The following GABRA2 variants were observed in gnomAD, a reference collection of about 807,000 sequenced individuals.
GABRA2 encodes gamma-aminobutyric acid receptor subunit alpha-2.
Under a neutral mutation model 48.7 loss-of-function variants are expected in GABRA2, and 16 were observed. The ratio of observed to expected loss-of-function variants is 0.33; its 90% confidence interval spans 0.22 to 0.50. The LOEUF is 0.50. Ranked by LOEUF, GABRA2 falls within the 20% of genes least tolerant of loss-of-function variation. The pLI is 0.98. For missense variants in GABRA2, 275 were observed against 535.6 expected (o/e 0.51, Z 4.80); for synonymous variants, 185 against 184.5 (o/e 1.00, Z -0.02).
chr4:46,293,425 G>T (rs895614003), intron 8 of GABRA2, among the ~76,000 whole-genome samples: 2 of 152,140 alleles, frequency 1.3e-5, no homozygotes, highest in East Asian at 3.9e-4. Flanking sequence ...ACATTTCAGG[G>T]ACTACTGGAC....
chr4:46,270,691 T>C (rs1719149519), intron 8 of GABRA2, among the ~76,000 whole-genome samples: 2 of 152,016 alleles, frequency 1.3e-5, no homozygotes, highest in African/African-American at 4.8e-5. Flanking sequence ...ATACCTAACT[T>C]ACAGCACTTT....
intron 8 of GABRA2, among the ~76,000 whole-genome samples, chr4:46,296,756 G>T (rs1724797286): frequency 3.3e-5 from 5 of 151,410 alleles, no homozygotes; most frequent in Admixed American, 2.6e-4. Flanking sequence ...TACCAACTAT[G>T]ACCACTTGGC....
chr4:46,258,086 G>A (rs969767902), intron 9 of GABRA2, among the ~76,000 whole-genome samples: 5 of 151,686 alleles, frequency 3.3e-5, no homozygotes, highest in African/African-American at 9.7e-5. Flanking sequence ...ATATTACCTC[G>A]TAAGTTAAAA....
chr4:46,377,987 G>C (rs1275787609), intron 3 of GABRA2, among the ~76,000 whole-genome samples: 20 of 150,784 alleles, frequency 1.3e-4, no homozygotes, highest in African/African-American at 4.6e-4. Context: ...AGGGAGGTGG[G>C]GGGGTCAGCC....
intron 3 of GABRA2, 63 bp from the exon 4 acceptor site, chr4:46,332,745 G>C (rs1170377710): frequency 1.0e-6 from 1 of 975,908 alleles, no homozygotes; most frequent in East Asian, 2.5e-5. Context: ...AGAGAGAAGG[G>C]TTTGAGTACA....
In GABRA2 at chr4:46,246,313, T is replaced by C. The variant is rs1713705440; in HGVS notation, c.*3995A>G. ...TTTAATATAAATTTTAACAGCAAAATATTATGGATATTAAATAATTATGTT... is the reference window on the plus strand; with the variant it reads ...TTTAATATAAATTTTAACAGCAAAACATTATGGATATTAAATAATTATGTT... On this transcript the variant is annotated 3_prime_UTR_variant, in exon 10 of 10. Transcript: ENST00000381620. Among the ~76,000 whole-genome samples the C allele has an allele frequency of 6.6e-6, 1 of 150,952 alleles. No homozygotes were observed. The highest frequency in any genetic ancestry group is 1.5e-5 in the Non-Finnish European group (1 of 67,426).
At chr4:46,283,721 C>T (rs927343724) in intron 8 of GABRA2, among the ~76,000 whole-genome samples, 5 of 152,136 alleles carry the variant, frequency 3.3e-5, no homozygotes, top group African/African-American at 1.2e-4. Context: ...AATCTACAGC[C>T]TAACAGATGT....
chr4:46,373,203 T>G (rs1240797697), intron 3 of GABRA2, among the ~76,000 whole-genome samples: 1 of 152,222 alleles, frequency 6.6e-6, no homozygotes, highest in Non-Finnish European at 1.5e-5. Context: ...AACATCTTCA[T>G]CCTGAGTCAG....
chr4:46,262,940 A>G (rs946397886), intron 8 of GABRA2, among the ~76,000 whole-genome samples: 1,137 of 85,698 alleles, frequency 0.013, 21 homozygotes, highest in African/African-American at 0.059. Context: ...AGAAAGAAGA[A>G]AGAAAGAAAG....
intron 3 of GABRA2, among the ~76,000 whole-genome samples, chr4:46,375,091 T>C (rs1715490787): frequency 6.6e-6 from 1 of 152,096 alleles, no homozygotes; most frequent in Non-Finnish European, 1.5e-5. Context: ...TAAAAAGGTA[T>C]AATAAAAACA....
intron 3 of GABRA2, among the ~76,000 whole-genome samples, chr4:46,370,502 A>G (rs1443252318): frequency 6.6e-6 from 1 of 152,154 alleles, no homozygotes; most frequent in East Asian, 1.9e-4. Context: ...AGCTTTGAAG[A>G]GATGTTGCCA....
chr4:46,271,637 T>C (rs1018522858), intron 8 of GABRA2, among the ~76,000 whole-genome samples: 1 of 151,950 alleles, frequency 6.6e-6, no homozygotes, highest in Non-Finnish European at 1.5e-5. Context: ...ACTCACATCT[T>C]TAATATTGGT....
At chr4:46,309,462 G>A (rs944533961) in intron 6 of GABRA2, among the ~76,000 whole-genome samples, 3 of 152,076 alleles carry the variant, frequency 2.0e-5, no homozygotes, top group Non-Finnish European at 4.4e-5. Context: ...ACAAGAGGGA[G>A]GCTGCTCAGC....
intron 3 of GABRA2, among the ~76,000 whole-genome samples, chr4:46,378,180 G>A (rs62304126): frequency 0.29 from 44,044 of 151,568 alleles, 6,754 homozygotes; most frequent in East Asian, 0.55. Context: ...CATTGAGAAC[G>A]GGCCATGATG....
intron 9 of GABRA2, among the ~76,000 whole-genome samples, chr4:46,258,671 G>C (rs780772093): frequency 6.6e-6 from 1 of 151,756 alleles, no homozygotes; most frequent in African/African-American, 2.4e-5. Context: ...CAGCTGCCAG[G>C]ATGTGAGGGA....
chr4:46,380,046 A>G (rs1425059907), intron 3 of GABRA2, among the ~76,000 whole-genome samples: 10 of 152,214 alleles, frequency 6.6e-5, no homozygotes, highest in Non-Finnish European at 1.5e-5. Flanking sequence ...TTCAAGACTC[A>G]GAGGTTTTGC....
At chr4:46,355,615 G>A (rs1374749113) in intron 3 of GABRA2, among the ~76,000 whole-genome samples, 1 of 152,130 alleles carries the variant, frequency 6.6e-6, no homozygotes, top group East Asian at 1.9e-4. Flanking sequence ...CTGCAGGGAA[G>A]CTCATTTCAA....
intron 9 of GABRA2, among the ~76,000 whole-genome samples, chr4:46,253,321 G>C (rs148959704): frequency 1.3e-5 from 2 of 151,306 alleles, no homozygotes; most frequent in Non-Finnish European, 3.0e-5. Flanking sequence ...AGAGCAGAGG[G>C]ACTAACCAAT....
At chr4:46,365,149 A>C (rs904677554) in intron 3 of GABRA2, 3 of 152,184 alleles carry the variant, frequency 2.0e-5, no homozygotes, top group Non-Finnish European at 4.4e-5. Context: ...GATGAAGTTA[A>C]GCTATCATTT....
Sources: allele counts gnomAD v4.1 joint callset (sites outside exome capture counted in the v4.1 genomes callset), GRCh38; gene constraint gnomAD v4.1.1; transcripts MANE v1.5; gene names NCBI Gene and HGNC (gene_info 2026-07-23, HGNC 2026-07-21).